Variants in MTHFD2L observed in about 807,000 individuals in gnomAD.
MTHFD2L encodes the protein methylenetetrahydrofolate dehydrogenase (NADP+ dependent) 2 like, also known as bifunctional methylenetetrahydrofolate dehydrogenase/cyclohydrolase 2, mitochondrial.
A neutral mutation model predicts 34.9 loss-of-function variants in MTHFD2L; 29 were observed. The observed-to-expected ratio is 0.83, with a 90% CI of 0.62 to 1.13. The LOEUF (loss-of-function observed/expected upper bound fraction) is 1.13. Among genes scored for constraint, MTHFD2L ranks in the 50% most tolerant of loss-of-function variants. The probability of loss-of-function intolerance (pLI) is 0.00; values close to 1 mark genes in which losing one functional copy is unlikely to be tolerated. For missense variants in MTHFD2L, 481 were observed against 446.5 expected (o/e 1.08, Z -0.70); for synonymous variants, 167 against 155.7 (o/e 1.07, Z -0.54).
At chr4:74,176,972 G>A (rs543373868) in intron 3 of MTHFD2L, among the ~76,000 whole-genome samples, 27 of 151,928 alleles carry the variant, frequency 1.8e-4, no homozygotes, top group South Asian at 8.3e-4. Flanking sequence ...CTTTTGTGCT[G>A]TTTACATTAT....
intron 6 of MTHFD2L, 25 bp downstream of exon 6, chr4:74,225,419 T>C (rs1159366929): frequency 6.3e-7 from 1 of 1,577,652 alleles, no homozygotes; most frequent in South Asian, 1.1e-5. Flanking sequence ...ACTGTTATTT[T>C]TTGGAATGTC....
intron 1 of MTHFD2L, chr4:74,165,078 T>A: frequency 1.7e-6 from 1 of 603,458 alleles, no homozygotes; most frequent in Non-Finnish European, 2.1e-6. Context: ...TTTTTTAGAG[T>A]AAAAAGGGGC....
chr4:74,152,446 G>C (rs528119195), intron 1 of MTHFD2L, among the ~76,000 whole-genome samples: 1 of 151,908 alleles, frequency 6.6e-6, no homozygotes, highest in African/African-American at 2.4e-5. Flanking sequence ...TTTTTATTGA[G>C]AATTCCCTTA....
At chr4:74,241,579 A>G (rs1431755257) in intron 6 of MTHFD2L, 4 of 448,994 alleles carry the variant, frequency 8.9e-6, no homozygotes, top group African/African-American at 4.0e-5. Context: ...AGATTTCACC[A>G]TTTTGCCCAG....
intron 6 of MTHFD2L, among the ~76,000 whole-genome samples, chr4:74,271,484 T>G (rs1251990960): frequency 6.6e-6 from 1 of 152,220 alleles, no homozygotes; most frequent in African/African-American, 2.4e-5. Context: ...TGGTTGTAGA[T>G]GTGTGGTATT....
At chr4:74,157,058 AT>A (rs1345883250), upstream of MTHFD2L, 1 of 151,978 alleles carries the variant, frequency 6.6e-6, no homozygotes, top group Non-Finnish European at 1.5e-5. Context: ...TTTTTCTTTT[AT>A]GAATTGTGAT....
At chr4:74,273,549 T>C (rs985199685) in intron 6 of MTHFD2L, among the ~76,000 whole-genome samples, 2 of 152,226 alleles carry the variant, frequency 1.3e-5, no homozygotes, top group African/African-American at 2.4e-5. Context: ...TCCTTTATGT[T>C]CTAAGGCACC....
chr4:74,261,383 G>A (rs1744666365), intron 6 of MTHFD2L, among the ~76,000 whole-genome samples: 1 of 151,774 alleles, frequency 6.6e-6, no homozygotes, highest in Admixed American at 6.6e-5. Context: ...ACTCACAGTA[G>A]TAATAAAACT....
chr4:74,174,901 A>G (rs952377116), intron 2 of MTHFD2L, among the ~76,000 whole-genome samples: 1 of 152,118 alleles, frequency 6.6e-6, no homozygotes, highest in African/African-American at 2.4e-5. Context: ...TTTATATTCT[A>G]TGGCAAGATA....
upstream of MTHFD2L, among the ~76,000 whole-genome samples, chr4:74,155,076 A>G (rs996569851): frequency 2.0e-5 from 3 of 152,198 alleles, no homozygotes; most frequent in Non-Finnish European, 4.4e-5. Flanking sequence ...ATGTATAGTC[A>G]TATCAGAATT....
rs145988826 is a variant in MTHFD2L, at chr4:74,278,107, T to C, written c.806-3318T>C. Among the ~76,000 whole-genome samples, 456 of 152,246 alleles carry C rather than the reference T, an allele frequency of 3.0e-3. 2 individuals are homozygous for C. Among genetic ancestry groups the C allele is most frequent in the Admixed American group, 7.7e-3 (118 of 15,262 alleles). On this transcript the variant is annotated intron_variant, in intron 6 of 7. Coordinates refer to ENST00000325278, the MANE Select transcript of MTHFD2L (RefSeq NM_001144978.3). ...TTATGTTGTAGCACAAGATTTTATC[T>C]TATTGCAGATCACTAATAAGGAATT...
At chr4:74,123,432 A>G (rs1721854870), upstream of MTHFD2L, 1 of 152,160 alleles carries the variant, frequency 6.6e-6, no homozygotes, top group Non-Finnish European at 1.5e-5. Context: ...AGGTAGGCTC[A>G]TCTTTCTAAT....
Position 74,190,473 on chromosome 4 carries a change from T to C in MTHFD2L, c.452-9321T>C, listed in dbSNP as rs527673172. 5 of 985,316 alleles carry C rather than the reference T, an allele frequency of 5.1e-6. No homozygotes were observed. In the Admixed American group the frequency reaches 1.8e-4, roughly 36 times the overall value. The allele number at this position is 985,316 out of a possible 1,614,324, so 61.0% of individuals were successfully genotyped here. On this transcript the variant is annotated intron_variant, in intron 3 of 7. Coordinates refer to ENST00000325278, the MANE Select transcript of MTHFD2L (RefSeq NM_001144978.3). ...CAGTTTTCGTGGCTGTAGGAGAGGC[T>C]CAGAAGGGTGGAGAACCAGACCCAC...
upstream of MTHFD2L, among the ~76,000 whole-genome samples, chr4:74,154,547 A>T (rs900962573): frequency 3.9e-5 from 6 of 151,948 alleles, no homozygotes; most frequent in African/African-American, 1.2e-4. Flanking sequence ...ACACTACTTT[A>T]TTTTACTACT....
intron 4 of MTHFD2L, among the ~76,000 whole-genome samples, chr4:74,200,312 AAAAACAAAACAAAACAAAC>A (rs1438956715): frequency 2.6e-5 from 4 of 152,076 alleles, no homozygotes; most frequent in Admixed American, 2.6e-4. Flanking sequence ...ACTCTGTCTC[AAAAACAAAACAAAACAAAC>A]AAAACAAACA....
intron 7 of MTHFD2L, among the ~76,000 whole-genome samples, chr4:74,283,761 AAG>A (rs1440829783): frequency 6.6e-6 from 1 of 152,128 alleles, no homozygotes; most frequent in Non-Finnish European, 1.5e-5. Context: ...TTCATGGAGC[AAG>A]AGTACTAATG....
intron 1 of MTHFD2L, among the ~76,000 whole-genome samples, chr4:74,147,955 T>C (rs1170062095): frequency 6.6e-6 from 1 of 152,150 alleles, no homozygotes; most frequent in Non-Finnish European, 1.5e-5. Context: ...TCCTGTTCTC[T>C]TGATTGCTTT....
intron 3 of MTHFD2L, among the ~76,000 whole-genome samples, chr4:74,191,303 G>A (rs1187548259): frequency 6.6e-6 from 1 of 151,518 alleles, no homozygotes; most frequent in Non-Finnish European, 1.5e-5. Flanking sequence ...AATTTTCAAG[G>A]GCATTGTATA....
chr4:74,255,076 A>G (rs1404611130), intron 6 of MTHFD2L, among the ~76,000 whole-genome samples: 1 of 138,772 alleles, frequency 7.2e-6, no homozygotes, highest in African/African-American at 2.7e-5. Context: ...CGGAGGTTAC[A>G]GTGAGCTGAG....
Sources: gnomAD v4.1 joint callset for allele counts (sites outside exome capture counted in the v4.1 genomes callset) on GRCh38, gnomAD v4.1.1 for gene constraint, MANE v1.5 for transcripts, NCBI Gene and HGNC (gene_info 2026-07-23, HGNC 2026-07-21) for gene names.